The following FNDC3A variants were observed in gnomAD, a reference collection of about 807,000 sequenced individuals.
FNDC3A encodes fibronectin type III domain containing 3A.
In FNDC3A, 32 loss-of-function variants were observed where a neutral mutation model predicts 148.9. The ratio of observed to expected loss-of-function variants is 0.21; its 90% CI spans 0.16 to 0.29. The LOEUF (loss-of-function observed/expected upper bound fraction) is 0.29, where lower values mean the gene tolerates loss of function less well. Among genes scored for constraint, FNDC3A ranks in the 10% least tolerant of loss-of-function variants. FNDC3A has a pLI of 1.00. For synonymous variants in FNDC3A, 472 were observed against 473.6 expected, an observed-to-expected ratio of 1.00 and a Z score of 0.04; for missense variants, 1,191 against 1,452.8, an observed-to-expected ratio of 0.82 and a Z score of 2.93.
Position 49,114,662 on chromosome 13 carries a change from T to C in FNDC3A, c.183T>C (p.Ala61=). ...DGQFQCITGP[A]QVPMMSPNGS... is the part of the protein sequence containing the mutation. Reference sequence around the variant, plus strand: ...TTTATGTGACCCATTCAGGTCCTGCTCAGGTTCCAATGATGTCCCCAAATG... The same window carrying C: ...TTTATGTGACCCATTCAGGTCCTGCCCAGGTTCCAATGATGTCCCCAAATG... Residue 61 remains alanine, a synonymous_variant, in exon 4 of 26, where the codon GCT becomes GCC. Coordinates refer to ENST00000492622, the MANE Select transcript of FNDC3A (RefSeq NM_001079673.2). The C allele has an allele frequency of 1.9e-6, 3 of 1,611,280 alleles. No individual in the cohort carries two copies. The highest frequency in any genetic ancestry group is 1.1e-5 in the South Asian group (1 of 91,004).
chr13:49,013,865 G>T (rs1952428070), intron 2 of FNDC3A, among the ~76,000 whole-genome samples: 1 of 150,834 alleles, frequency 6.6e-6, no homozygotes, highest in South Asian at 2.1e-4. Flanking sequence ...TTTTGTTCTT[G>T]CAGTAGTTTA....
intron 3 of FNDC3A, among the ~76,000 whole-genome samples, chr13:49,113,262 C>CT (rs1880697154): frequency 6.6e-6 from 1 of 151,232 alleles, no homozygotes; most frequent in Non-Finnish European, 1.5e-5. Flanking sequence ...TTGCTTCCCC[C>CT]TTTTTTCCTC....
chr13:49,147,542 A>G (rs552348684), intron 8 of FNDC3A, among the ~76,000 whole-genome samples: 1 of 152,242 alleles, frequency 6.6e-6, no homozygotes, highest in Admixed American at 6.5e-5. Flanking sequence ...TTAAAAAAAA[A>G]AAAAGTAGGG....
chr13:49,103,956 A>G (rs1880009316), intron 3 of FNDC3A, among the ~76,000 whole-genome samples: 1 of 152,180 alleles, frequency 6.6e-6, no homozygotes, highest in Non-Finnish European at 1.5e-5. Flanking sequence ...GAGATCATGT[A>G]GAATAAGGGA....
At chr13:49,054,899 A>G (rs1876114282) in intron 2 of FNDC3A, among the ~76,000 whole-genome samples, 3 of 151,196 alleles carry the variant, frequency 2.0e-5, no homozygotes, top group African/African-American at 7.3e-5. Flanking sequence ...TATTCACTCT[A>G]CTTTTTTCTC....
intron 2 of FNDC3A, among the ~76,000 whole-genome samples, chr13:49,016,862 C>G (rs1872832548): frequency 1.3e-5 from 2 of 151,396 alleles, no homozygotes; most frequent in Admixed American, 6.6e-5. Flanking sequence ...GTTATGTACC[C>G]AGTAGTCATT....
At chr13:49,192,925 A>G (rs982885429) in intron 19 of FNDC3A, among the ~76,000 whole-genome samples, 1 of 152,244 alleles carries the variant, frequency 6.6e-6, no homozygotes, top group African/African-American at 2.4e-5. Context: ...TTTTAAATAA[A>G]ATCCATTCAG....
intron 8 of FNDC3A, among the ~76,000 whole-genome samples, chr13:49,156,168 G>A (rs1266704381): frequency 3.5e-4 from 52 of 148,878 alleles, no homozygotes; most frequent in Admixed American, 9.3e-4. Flanking sequence ...TCTCTTTGTA[G>A]GTCTCTAAGG....
intron 1 of FNDC3A, among the ~76,000 whole-genome samples, chr13:48,977,854 A>G (rs1206604982): frequency 6.6e-6 from 1 of 152,164 alleles, no homozygotes; most frequent in African/African-American, 2.4e-5. Context: ...TTCATTTCAT[A>G]GATCATCTGT....
intron 2 of FNDC3A, among the ~76,000 whole-genome samples, chr13:49,071,198 G>C (rs1391396885): frequency 1.3e-5 from 2 of 150,654 alleles, no homozygotes; most frequent in Non-Finnish European, 3.0e-5. Flanking sequence ...CCGTTCCCCA[G>C]CCAGGATTTT....
At chr13:49,072,409 A>G (rs1380799871) in intron 2 of FNDC3A, among the ~76,000 whole-genome samples, 1 of 152,186 alleles carries the variant, frequency 6.6e-6, no homozygotes, top group Non-Finnish European at 1.5e-5. Flanking sequence ...AGTTGGCTCT[A>G]AGTGCATAGA....
chr13:48,984,359 A>G (rs1429457708), intron 1 of FNDC3A, among the ~76,000 whole-genome samples: 1 of 152,214 alleles, frequency 6.6e-6, no homozygotes, highest in Non-Finnish European at 1.5e-5. Flanking sequence ...GAGCATGCAC[A>G]AGAATGGCCA....
chr13:49,010,826 A>G (rs116319561), intron 2 of FNDC3A, among the ~76,000 whole-genome samples: 2,845 of 152,254 alleles, frequency 0.019, 94 homozygotes, highest in African/African-American at 0.063. Context: ...CTGTAGTTTT[A>G]TCTATATATA....
intron 2 of FNDC3A, among the ~76,000 whole-genome samples, chr13:49,009,343 G>GT (rs1952289554): frequency 6.6e-6 from 1 of 152,126 alleles, no homozygotes; most frequent in Non-Finnish European, 1.5e-5. Flanking sequence ...AGATGGACCA[G>GT]TTTGTTTATT....
intron 3 of FNDC3A, among the ~76,000 whole-genome samples, chr13:49,106,579 G>A (rs956074284): frequency 2.6e-5 from 4 of 152,090 alleles, no homozygotes; most frequent in East Asian, 1.9e-4. Flanking sequence ...CCAAAGTGCC[G>A]GCATTACAGG....
At chr13:49,025,110 T>C (rs1295812053) in intron 2 of FNDC3A, among the ~76,000 whole-genome samples, 1 of 152,058 alleles carries the variant, frequency 6.6e-6, no homozygotes, top group Non-Finnish European at 1.5e-5. Flanking sequence ...AGTTTTCAAA[T>C]ACTGCTTTTT....
Position 49,012,885 on chromosome 13 carries a change from T to C in FNDC3A, c.99+6596T>C, listed in dbSNP as rs565348399. 3.8e-4 allele frequency among the ~76,000 whole-genome samples: 58 copies of C among 150,982 alleles called. No individual in the cohort carries two copies. The South Asian group carries it at 5.7e-3, about 15-fold the overall frequency. Reference sequence around the variant, plus strand: ...GAGTTAGAAATACAGTTTATTTTTGTATATTGCTTCAATATCCAGCAACCT... The same window carrying C: ...GAGTTAGAAATACAGTTTATTTTTGCATATTGCTTCAATATCCAGCAACCT... On this transcript the variant is annotated intron_variant, in intron 2 of 25. Coordinates refer to ENST00000492622, the MANE Select transcript of FNDC3A (RefSeq NM_001079673.2).
chr13:49,163,551 G>T (rs1214309566), intron 8 of FNDC3A, among the ~76,000 whole-genome samples: 1 of 152,148 alleles, frequency 6.6e-6, no homozygotes, highest in Non-Finnish European at 1.5e-5. Context: ...GGCTTCCCTT[G>T]GCTAGGAAAA....
Position 49,168,595 on chromosome 13 carries a change from T to C in FNDC3A, c.1038-18T>C, listed in dbSNP as rs1374948192. 1 of 1,591,950 alleles carries C rather than the reference T, an allele frequency of 6.3e-7. No homozygotes were observed. The highest frequency in any genetic ancestry group is 8.6e-7 in the Non-Finnish European group (1 of 1,163,116). On this transcript the variant is annotated intron_variant, in intron 9 of 25. Transcript: ENST00000492622. The stretch of plus-strand genomic sequence containing the variant: ...ACAGTGATTATGAAAGGTAAAACTA[T>C]TTATTTTATCACCATAGAGTCCAGG...
Sources: gnomAD v4.1 joint callset for allele counts (sites outside exome capture counted in the v4.1 genomes callset) on GRCh38, gnomAD v4.1.1 for gene constraint, MANE v1.5 for transcripts, NCBI Gene and HGNC (gene_info 2026-07-23, HGNC 2026-07-21) for gene names.